SLX4IP: variants seen among roughly 807,000 people sequenced by gnomAD.
The protein encoded by SLX4IP is protein SLX4IP.
SLX4IP carries 34 observed loss-of-function variants against 32.9 expected under a neutral mutation model. The ratio of observed to expected loss-of-function variants is 1.03; its 90% CI spans 0.79 to 1.38. The LOEUF is 1.38. Ranked by LOEUF, SLX4IP falls within the 40% of genes most tolerant of loss-of-function variation. SLX4IP has a pLI of 0.00. For missense variants in SLX4IP, 444 were observed against 479.0 expected (o/e 0.93, Z 0.68); for synonymous variants, 172 against 171.7 (o/e 1.00, Z -0.01).
intron 2 of SLX4IP, among the ~76,000 whole-genome samples, chr20:10,493,804 A>G (rs1757777924): frequency 1.5e-5 from 2 of 136,340 alleles, no homozygotes; most frequent in African/African-American, 5.5e-5. Flanking sequence ...CTTTGCAACT[A>G]TGTTGTCTTG....
At chr20:10,541,124 A>T (rs1394161767) in intron 2 of SLX4IP, among the ~76,000 whole-genome samples, 1 of 152,228 alleles carries the variant, frequency 6.6e-6, no homozygotes, top group African/African-American at 2.4e-5. Flanking sequence ...AGGTAAAGGG[A>T]AACAAACTTC....
chr20:10,488,782 A>AT (rs1312534087), intron 2 of SLX4IP, among the ~76,000 whole-genome samples: 15 of 151,846 alleles, frequency 9.9e-5, no homozygotes, highest in Admixed American at 5.9e-4. Context: ...TCAGTTCCCA[A>AT]TTTTTTTTCT....
rs1199977137 is a variant in SLX4IP at position 10,601,779 on chromosome 20, C to T, written c.365C>T (p.Ala122Val). 3.1e-6 allele frequency: 5 copies of T among 1,613,898 alleles called. No individual in the cohort carries two copies. The highest frequency in any genetic ancestry group is 1.3e-5 in the African/African-American group (1 of 74,932). ...TTTGTGGTTTGTGTCAGTCAGCTTG[C>T]ATTCAGTCGTGATCTTTTAGCAAGT... ...DRFVVCVSQL[A>V]FSRDLLASQN... The change falls in exon 6 of 8, where the codon GCA becomes GTA. Residue 122 changes from alanine (A) to valine (V), a missense_variant. Transcript: ENST00000334534.
chr20:10,442,726 TC>T (rs2065169498), intron 1 of SLX4IP, among the ~76,000 whole-genome samples: 2 of 152,250 alleles, frequency 1.3e-5, no homozygotes, highest in African/African-American at 2.4e-5. Context: ...GCTTGTTGCA[TC>T]CTGCTGAAAG....
Position 10,442,792 on chromosome 20 carries a change from T to C in SLX4IP, c.-30+7339T>C, listed in dbSNP as rs2065169768. ...TGAAGATGCATTGTTGCTTTTTGTG[T>C]GCGTGTGTGCACACTTGCTTTTTAA... is the stretch of plus-strand genomic sequence containing the variant. On this transcript the variant is annotated intron_variant, in intron 1 of 7. Transcript: ENST00000334534. 2.6e-5 allele frequency among the ~76,000 whole-genome samples: 4 copies of C among 152,258 alleles called. 1 individual carries two copies. The South Asian group carries it at 8.3e-4, about 31-fold the overall frequency.
chr20:10,590,503 G>A (rs1198274548), intron 4 of SLX4IP, among the ~76,000 whole-genome samples: 2 of 151,496 alleles, frequency 1.3e-5, no homozygotes, highest in Non-Finnish European at 2.9e-5. Flanking sequence ...TGGGATTACA[G>A]GCGCACACTG....
intron 4 of SLX4IP, among the ~76,000 whole-genome samples, chr20:10,592,355 C>CA (rs879839288): frequency 6.7e-6 from 1 of 149,890 alleles, no homozygotes; most frequent in Non-Finnish European, 1.5e-5. Flanking sequence ...AACCCCCCCC[C>CA]ATCACCAGCA....
intron 2 of SLX4IP, among the ~76,000 whole-genome samples, chr20:10,476,141 A>T (rs601918): frequency 3.3e-5 from 5 of 151,272 alleles, no homozygotes; most frequent in African/African-American, 4.9e-5. Flanking sequence ...CACATCCCTC[A>T]CTGTGTGTGT....
intron 3 of SLX4IP, among the ~76,000 whole-genome samples, chr20:10,556,559 C>G (rs2066269372): frequency 6.6e-6 from 1 of 152,006 alleles, no homozygotes; most frequent in Non-Finnish European, 1.5e-5. Flanking sequence ...TTTTATACCT[C>G]TTTGTTTTGG....
Position 10,533,763 on chromosome 20 carries a change from G to A in SLX4IP, c.28-22468G>A, listed in dbSNP as rs536949015. On this transcript the variant is annotated intron_variant, in intron 2 of 7. Transcript: ENST00000334534. ...GCCTCCAGAGTAGCTGGGACTATAG[G>A]CACATGCCACACTGCCTGACTAATT... Among the ~76,000 whole-genome samples the A allele has an allele frequency of 5.9e-5, 9 of 151,816 alleles. No homozygotes were observed. The South Asian group carries it at 1.7e-3, about 28-fold the overall frequency.
At chr20:10,454,472 C>T (rs1386817906) in intron 1 of SLX4IP, among the ~76,000 whole-genome samples, 1 of 152,178 alleles carries the variant, frequency 6.6e-6, no homozygotes, top group Non-Finnish European at 1.5e-5. Flanking sequence ...TTCTACTGTG[C>T]CTGGTGTTTT....
chr20:10,453,610 G>A (rs6077801), intron 1 of SLX4IP, among the ~76,000 whole-genome samples: 74,829 of 151,866 alleles, frequency 0.49, 19,926 homozygotes, highest in Non-Finnish European at 0.6. Flanking sequence ...TTTAAATCCA[G>A]TTTGAGGTTG....
At chr20:10,441,932 A>G (rs2065163061) in intron 1 of SLX4IP, among the ~76,000 whole-genome samples, 1 of 152,020 alleles carries the variant, frequency 6.6e-6, no homozygotes, top group African/African-American at 2.4e-5. Context: ...TGGTGGTAAG[A>G]TTGGTGCATG....
chr20:10,608,123 G>T (rs1360393393), intron 6 of SLX4IP, among the ~76,000 whole-genome samples: 1 of 152,150 alleles, frequency 6.6e-6, no homozygotes, highest in Non-Finnish European at 1.5e-5. Flanking sequence ...CTCCATTGAT[G>T]AACCCTTTGA....
intron 6 of SLX4IP, among the ~76,000 whole-genome samples, chr20:10,605,305 A>G (rs2066892795): frequency 6.6e-6 from 1 of 152,164 alleles, no homozygotes; most frequent in South Asian, 2.1e-4. Context: ...GCTAAGTCCC[A>G]GCTCTATACT....
intron 2 of SLX4IP, among the ~76,000 whole-genome samples, chr20:10,544,399 T>C (rs1432467466): frequency 6.6e-6 from 1 of 152,198 alleles, no homozygotes; most frequent in Non-Finnish European, 1.5e-5. Flanking sequence ...TGTTTGTTTG[T>C]TTGTGACAGG....
rs181337184 is a variant in SLX4IP at position 10,538,624 on chromosome 20, C to T, written c.28-17607C>T. Among the ~76,000 whole-genome samples, 7 of 151,844 alleles carry T rather than the reference C, an allele frequency of 4.6e-5. No individual in the cohort carries two copies. In the East Asian group the frequency reaches 1.4e-3, roughly 29 times the overall value. On this transcript the variant is annotated intron_variant, in intron 2 of 7. Transcript: ENST00000334534. ...CACTGCAACCTCTGCCTCCTGGGTT[C>T]AAGCGATTCTCCTGCCTCAGGCTCC... is the stretch of plus-strand genomic sequence containing the variant.
At chr20:10,608,040 G>A (rs2066923922) in intron 6 of SLX4IP, among the ~76,000 whole-genome samples, 1 of 152,212 alleles carries the variant, frequency 6.6e-6, no homozygotes, top group Admixed American at 6.5e-5. Context: ...GTTGGAATAG[G>A]ATGTATCTCC....
intron 2 of SLX4IP, among the ~76,000 whole-genome samples, chr20:10,501,058 A>G (rs1339022131): frequency 6.6e-6 from 1 of 152,134 alleles, no homozygotes; most frequent in Admixed American, 6.5e-5. Context: ...ATTTGATGAA[A>G]CTAGTTGGTG....
Sources: allele counts gnomAD v4.1 joint callset (sites outside exome capture counted in the v4.1 genomes callset), GRCh38; gene constraint gnomAD v4.1.1; transcripts MANE v1.5; gene names NCBI Gene and HGNC (gene_info 2026-07-23, HGNC 2026-07-21).